The following NRP2 variants were observed in gnomAD, a reference collection of about 807,000 sequenced individuals.
NRP2 encodes the protein neuropilin-2.
NRP2 carries 52 observed loss-of-function variants against 110.4 expected under a neutral mutation model. That is an observed-to-expected ratio of 0.47 (90% CI 0.38 to 0.59). The LOEUF (loss-of-function observed/expected upper bound fraction) is 0.59, where lower values mean the gene tolerates loss of function less well. NRP2 is among the 20% of genes least tolerant of loss of function. The pLI is 0.00. For missense variants in NRP2, 1,049 were observed against 1,203.0 expected (o/e 0.87, Z 1.89); for synonymous variants, 508 against 468.9 (o/e 1.08, Z -1.08).
chr2:205,787,243 C>T (rs1185016906), intron 15 of NRP2, among the ~76,000 whole-genome samples: 1 of 152,156 alleles, frequency 6.6e-6, no homozygotes, highest in Admixed American at 6.5e-5. Context: ...CTAGGGCCCT[C>T]CACATCCCAC....
intron 5 of NRP2, 140 bp downstream of exon 5, chr2:205,724,080 C>A: frequency 2.3e-6 from 2 of 873,344 alleles, no homozygotes; most frequent in Non-Finnish European, 1.8e-6. Context: ...TTTAGAGGTG[C>A]CCACATCCTC....
Position 205,708,451 on chromosome 2 carries a change from G to A in NRP2, c.252-7742G>A, listed in dbSNP as rs558969555. 6.5e-4 allele frequency among the ~76,000 whole-genome samples: 99 copies of A among 152,316 alleles called. 1 individual carries two copies. The highest frequency in any genetic ancestry group is 2.3e-3 in the African/African-American group (96 of 41,566). On this transcript the variant is annotated intron_variant, in intron 2 of 16. Coordinates refer to ENST00000357785, the MANE Select transcript of NRP2 (RefSeq NM_003872.3). ...CCAAAGGACCAGTGCAGAAGTTGGG[G>A]AGGCTTTGTTGCGTGCCCTTAATTC... is the stretch of plus-strand genomic sequence containing the variant.
intron 9 of NRP2, 31 bp downstream of exon 9, chr2:205,743,583 T>C: frequency 2.5e-6 from 4 of 1,611,494 alleles, no homozygotes; most frequent in Non-Finnish European, 3.4e-6. Flanking sequence ...TCTGTAACGT[T>C]ACCCTCAACA....
intron 1 of NRP2, among the ~76,000 whole-genome samples, chr2:205,692,831 A>G (rs1010612534): frequency 2.0e-5 from 3 of 152,168 alleles, no homozygotes; most frequent in Admixed American, 1.3e-4. Flanking sequence ...TATAAGATCT[A>G]TTCCCCACCT....
intron 12 of NRP2, chr2:205,759,487 G>A (rs925859433): frequency 3.3e-5 from 5 of 152,348 alleles, no homozygotes; most frequent in East Asian, 3.9e-4. Flanking sequence ...CGGTTCCTCC[G>A]GGAGGCAGGA....
At chr2:205,748,594 G>A (rs547078886) in intron 10 of NRP2, among the ~76,000 whole-genome samples, 23 of 152,334 alleles carry the variant, frequency 1.5e-4, no homozygotes, top group African/African-American at 4.1e-4. Flanking sequence ...GCTATTCAGC[G>A]TATTTAGCAA....
At chr2:205,758,763 G>A (rs904175163) in intron 12 of NRP2, among the ~76,000 whole-genome samples, 3 of 152,114 alleles carry the variant, frequency 2.0e-5, no homozygotes, top group Non-Finnish European at 4.4e-5. Flanking sequence ...CCTTTCCATT[G>A]TCTTTTTCTT....
Position 205,723,853 on chromosome 2 carries a change from C to T in NRP2, c.733C>T (p.Leu245Phe), listed in dbSNP as rs757086093. ...TGAACTTCGTTCATCGACGGGGATC[C>T]TCTCCCTGACCTTTCACACGGACAT... is the stretch of plus-strand genomic sequence containing the variant. ...PSELRSSTGI[L>F]SLTFHTDMAV... The change falls in exon 5 of 17, where the codon CTC (leucine) becomes TTC (phenylalanine). Residue 245 changes from leucine to phenylalanine, a missense_variant. By Grantham distance (22) the Leu-to-Phe change is conservative. Coordinates refer to ENST00000357785, the MANE Select transcript of NRP2 (RefSeq NM_003872.3). 6.2e-7 allele frequency: 1 copy of T among 1,614,180 alleles called. No homozygotes were observed. Among genetic ancestry groups the T allele is most frequent in the Non-Finnish European group, 8.5e-7 (1 of 1,180,024 alleles).
chr2:205,733,973 A>G (rs1173621088), intron 7 of NRP2, among the ~76,000 whole-genome samples: 1 of 151,612 alleles, frequency 6.6e-6, no homozygotes, highest in African/African-American at 2.4e-5. Context: ...GGATGCGCAC[A>G]TCCCCGCCCC....
chr2:205,683,349 T>G lies in NRP2; in HGVS notation c.59T>G (p.Val20Gly). ...GCCCTCTACTTTTCAAGACACCAAG[T>G]GAGAGGCCAACCAGGTAAGCCACTG... ...FLALYFSRHQ[V>G]RGQPDPPCGG... is the part of the protein sequence containing the mutation. Residue 20 changes from valine (V) to glycine (G), a missense_variant, in exon 1 of 17, where the codon GTG (valine) becomes GGG (glycine). Transcript: ENST00000357785. The G allele has an allele frequency of 6.2e-7, 1 of 1,613,366 alleles. No individual in the cohort carries two copies. The highest frequency in any genetic ancestry group is 8.5e-7 in the Non-Finnish European group (1 of 1,179,328).
intron 3 of NRP2, among the ~76,000 whole-genome samples, chr2:205,717,118 C>T (rs2056914293): frequency 6.9e-6 from 1 of 145,316 alleles, no homozygotes; most frequent in Non-Finnish European, 1.5e-5. Context: ...TCACAAGACC[C>T]CGCTTCATCA....
At chr2:205,714,170 C>A (rs2056850042) in intron 2 of NRP2, among the ~76,000 whole-genome samples, 1 of 152,116 alleles carries the variant, frequency 6.6e-6, no homozygotes, top group Non-Finnish European at 1.5e-5. Flanking sequence ...CATTTAAGTC[C>A]CACATCAACC....
At chr2:205,773,000 C>T (rs1310091682) in intron 15 of NRP2, among the ~76,000 whole-genome samples, 1 of 152,186 alleles carries the variant, frequency 6.6e-6, no homozygotes, top group Non-Finnish European at 1.5e-5. Context: ...CTATGCCATC[C>T]GTCCATTTAT....
chr2:205,687,153 C>T (rs2056189566), intron 1 of NRP2, among the ~76,000 whole-genome samples: 2 of 152,110 alleles, frequency 1.3e-5, no homozygotes, highest in South Asian at 2.1e-4. Context: ...GATTCTCGGT[C>T]AATTCACCCT....
At chr2:205,789,102 C>G (rs968605713) in intron 15 of NRP2, among the ~76,000 whole-genome samples, 3 of 152,120 alleles carry the variant, frequency 2.0e-5, no homozygotes, top group African/African-American at 7.2e-5. Flanking sequence ...AAGTGTGTAT[C>G]CAGCCAATCC....
chr2:205,749,095 A>C (rs115003327), intron 10 of NRP2, among the ~76,000 whole-genome samples: 3,354 of 152,256 alleles, frequency 0.022, 136 homozygotes, highest in African/African-American at 0.076. Flanking sequence ...GCCTGGCCAC[A>C]CTGGGCCACC....
intron 13 of NRP2, among the ~76,000 whole-genome samples, chr2:205,764,954 G>C (rs2057890072): frequency 6.6e-6 from 1 of 152,114 alleles, no homozygotes. Flanking sequence ...TCAGTAAATG[G>C]CTGGTGAAAA....
intron 7 of NRP2, among the ~76,000 whole-genome samples, chr2:205,728,324 A>G (rs1559331398): frequency 1.3e-5 from 2 of 152,282 alleles, no homozygotes; most frequent in East Asian, 1.9e-4. Flanking sequence ...AGGAGAAAAT[A>G]TGTCCCCAGT....
chr2:205,738,034 C>A (rs1488539626), intron 7 of NRP2, among the ~76,000 whole-genome samples: 1 of 152,240 alleles, frequency 6.6e-6, no homozygotes, highest in Non-Finnish European at 1.5e-5. Context: ...AAGAAAAGGT[C>A]TCTTAGCGTT....
Sources: allele counts gnomAD v4.1 joint callset (sites outside exome capture counted in the v4.1 genomes callset), GRCh38; gene constraint gnomAD v4.1.1; transcripts MANE v1.5; gene names NCBI Gene and HGNC (gene_info 2026-07-23, HGNC 2026-07-21).